The following TDRD12 variants were observed in gnomAD, a reference collection of about 807,000 sequenced individuals.
TDRD12 encodes tudor domain containing 12.
In TDRD12, 158 loss-of-function variants were observed where a neutral mutation model predicts 133.5. The observed-to-expected ratio is 1.18, with a 90% CI of 1.04 to 1.35. The LOEUF (loss-of-function observed/expected upper bound fraction) is 1.35, where lower values mean the gene tolerates loss of function less well. Among genes scored for constraint, TDRD12 ranks in the 40% most tolerant of loss-of-function variants. The probability of loss-of-function intolerance (pLI) is 0.00; values close to 1 mark genes in which losing one functional copy is unlikely to be tolerated. For missense variants in TDRD12, 1,443 were observed against 1,321.3 expected (o/e 1.09, Z -1.43); for synonymous variants, 460 against 477.9 (o/e 0.96, Z 0.49).
chr19:32,772,886 C>A, intron 9 of TDRD12, 36 bp downstream of exon 9: 1 of 1,203,692 alleles, frequency 8.3e-7, no homozygotes, highest in South Asian at 1.9e-5. Flanking sequence ...ATACAAAGTT[C>A]ATATAGTGTT....
chr19:32,791,178 G>A (rs1971060136), intron 13 of TDRD12, 110 bp downstream of exon 13: 1 of 1,191,644 alleles, frequency 8.4e-7, no homozygotes, highest in Admixed American at 2.9e-5. Flanking sequence ...CTTTGCTTTT[G>A]AAATTCTCTT....
At chr19:32,758,148 A>C (rs1568462354) in intron 8 of TDRD12, among the ~76,000 whole-genome samples, 1 of 152,134 alleles carries the variant, frequency 6.6e-6, no homozygotes. Context: ...TCCAAGAAGA[A>C]TAAGGTTATG....
intron 1 of TDRD12, among the ~76,000 whole-genome samples, chr19:32,721,874 ATTT>A (rs768611161): frequency 7.3e-6 from 1 of 137,310 alleles, no homozygotes; most frequent in African/African-American, 2.7e-5. Context: ...CGCCTGGCTA[ATTT>A]TTTTTTTTTT....
At chr19:32,723,179 T>C (rs1257473153) in intron 1 of TDRD12, among the ~76,000 whole-genome samples, 1 of 152,192 alleles carries the variant, frequency 6.6e-6, no homozygotes, top group Non-Finnish European at 1.5e-5. Context: ...TGACTATATG[T>C]GTGATTATAT....
At chr19:32,738,458 A>T (rs1212629528) in intron 2 of TDRD12, among the ~76,000 whole-genome samples, 2 of 152,024 alleles carry the variant, frequency 1.3e-5, no homozygotes. Flanking sequence ...GTTGACTGGG[A>T]TGGTTTTGAG....
intron 22 of TDRD12, among the ~76,000 whole-genome samples, chr19:32,808,986 C>A (rs1966906916): frequency 6.6e-6 from 1 of 152,018 alleles, no homozygotes; most frequent in African/African-American, 2.4e-5. Context: ...ATGATGACTT[C>A]ATATCGGATT....
At chr19:32,767,609 C>A (rs1970335519) in intron 8 of TDRD12, among the ~76,000 whole-genome samples, 1 of 152,066 alleles carries the variant, frequency 6.6e-6, no homozygotes, top group African/African-American at 2.4e-5. Context: ...GCCTTGCCAT[C>A]CTGAAGGTTT....
chr19:32,770,748 C>A (rs941381503), intron 8 of TDRD12, among the ~76,000 whole-genome samples: 1 of 151,966 alleles, frequency 6.6e-6, no homozygotes, highest in Admixed American at 6.6e-5. Context: ...TAATTGTGCC[C>A]GTAGAGAAAT....
At chr19:32,803,658 C>G (rs780448193) in intron 21 of TDRD12, among the ~76,000 whole-genome samples, 2 of 152,148 alleles carry the variant, frequency 1.3e-5, no homozygotes, top group Non-Finnish European at 2.9e-5. Context: ...GGTAGGCATG[C>G]GTTTAACTCT....
In TDRD12 at chr19:32,790,568, G is replaced by A. The variant is rs1215022142; in HGVS notation, c.1159G>A (p.Asp387Asn). Residue 387 changes from aspartate to asparagine, a missense_variant, in exon 12 of 28, where the codon GAC (aspartate) becomes AAC (asparagine). Physicochemically the swap from Asp to Asn is conservative, Grantham distance 23. Coordinates refer to ENST00000444215, the Ensembl canonical transcript of TDRD12. ...TTTAAATCCTGATCCTTTGAGAGCT[G>A]ACGGAATCTCTGATCTCCAGCAGGT... The A allele has an allele frequency of 2.6e-6, 4 of 1,551,938 alleles. No homozygotes were observed. In the Middle Eastern group the frequency reaches 6.7e-4, roughly 259 times the overall value.
chr19:32,733,874 A>G (rs1456653306), intron 2 of TDRD12, among the ~76,000 whole-genome samples: 1 of 150,586 alleles, frequency 6.6e-6, no homozygotes, highest in African/African-American at 2.4e-5. Context: ...AATTTTTTTA[A>G]TTTATTTTTT....
chr19:32,756,206 T>TTTC, intron 7 of TDRD12, 25 bp downstream of exon 7: 1 of 1,393,134 alleles, frequency 7.2e-7, no homozygotes, highest in Non-Finnish European at 9.3e-7. Flanking sequence ...ATCATATCAA[T>TTTC]TTCCCTTACA....
At position 32,758,828 on chromosome 19, in the gene TDRD12, G is replaced by A. The variant is rs138908632; in HGVS notation, c.865+1698G>A. On this transcript the variant is annotated intron_variant, in intron 8 of 27. Transcript: ENST00000444215. ...CACATGCCTGTAGTCCCAGCTACTC[G>A]GGAGGCTGAGGCAGGAGAATTGCTT... 1.4e-4 allele frequency among the ~76,000 whole-genome samples: 20 copies of A among 146,660 alleles called. No individual in the cohort carries two copies. The South Asian group carries it at 3.3e-3, about 24-fold the overall frequency.
At chr19:32,792,023 A>T in intron 13 of TDRD12, among the ~76,000 whole-genome samples, 1 of 152,164 alleles carries the variant, frequency 6.6e-6, no homozygotes, top group African/African-American at 2.4e-5. Flanking sequence ...AGGCAGGCAG[A>T]TAACCTGAGG....
chr19:32,811,153 G>A, intron 23 of TDRD12, 57 bp from the exon 24 acceptor site: 2 of 1,323,916 alleles, frequency 1.5e-6, no homozygotes, highest in Non-Finnish European at 2.1e-6. Context: ...GTAATTTGAG[G>A]CAAAGATGAT....
intron 27 of TDRD12, among the ~76,000 whole-genome samples, chr19:32,819,968 G>C (rs1379211178): frequency 6.6e-6 from 1 of 152,146 alleles, no homozygotes; most frequent in Non-Finnish European, 1.5e-5. Context: ...TCTACGCCTA[G>C]GGCTCAGGAA....
At chr19:32,828,472 G>A (rs1354823634) in exon 10 of TDRD12, 1 of 152,144 alleles carries the variant, frequency 6.6e-6, no homozygotes, top group Non-Finnish European at 1.5e-5. Context: ...GGGTTTCTTT[G>A]TTGACTGAAA....
chr19:32,729,896 T>C (rs1599828378), intron 1 of TDRD12, among the ~76,000 whole-genome samples: 3 of 144,974 alleles, frequency 2.1e-5, no homozygotes, highest in African/African-American at 7.5e-5. Flanking sequence ...TTTCACACCA[T>C]TCTCCTGCCT....
exon 21 of TDRD12, chr19:32,802,975 G>C: frequency 6.5e-7 from 1 of 1,536,098 alleles, no homozygotes. Flanking sequence ...TGCTGCTGAC[G>C]GAGAAAGATG....
Sources: gnomAD v4.1 joint callset for allele counts (sites outside exome capture counted in the v4.1 genomes callset) on GRCh38, gnomAD v4.1.1 for gene constraint, MANE v1.5 for transcripts, NCBI Gene and HGNC (gene_info 2026-07-23, HGNC 2026-07-21) for gene names.